Variants in NPHP3 observed in about 807,000 individuals in gnomAD.
NPHP3 encodes the protein nephrocystin 3.
A neutral mutation model predicts 171.9 loss-of-function variants in NPHP3; 123 were observed. That is an observed-to-expected ratio of 0.72 (90% CI 0.62 to 0.83). NPHP3 has a LOEUF of 0.83. Ranked by LOEUF, NPHP3 falls within the 40% of genes least tolerant of loss-of-function variation. NPHP3 has a pLI of 0.00. For synonymous variants in NPHP3, 558 were observed against 579.2 expected (o/e 0.96, Z 0.52); for missense variants, 1,506 against 1,591.9 (o/e 0.95, Z 0.92).
rs913198504 is a variant in NPHP3, at chr3:132,722,200, T to G, written c.156A>C (p.Ala52=). 2.0e-6 allele frequency: 3 copies of G among 1,510,212 alleles called. No homozygotes were observed. Among genetic ancestry groups the G allele is most frequent in the African/African-American group, 2.9e-5 (2 of 69,658 alleles). The allele number at this position is 1,510,212 out of a possible 1,614,324, so 93.6% of individuals were successfully genotyped here. Residue 52 remains alanine, a synonymous_variant, in exon 1 of 27, where the codon GCA becomes GCC. Coordinates refer to ENST00000337331, the MANE Select transcript of NPHP3 (RefSeq NM_153240.5). ...GCAGCGACCCGGGCCCGGCCCCTGCTGCCGCCCCCGCGCCTCGGCGGAACG... is the reference window on the plus strand; with the variant it reads ...GCAGCGACCCGGGCCCGGCCCCTGCGGCCGCCCCCGCGCCTCGGCGGAACG... The part of the protein sequence containing the change: ...RNSFRRGAGA[A]AGAGPGSLPR...
At position 132,690,592 on chromosome 3, in the gene NPHP3, C is replaced by T. The variant is rs759671218; in HGVS notation, c.2629G>A (p.Gly877Arg). Residue 877 changes from glycine to arginine, a missense_variant, in exon 19 of 27, where the codon GGA becomes AGA. Gly to Arg is a moderately radical substitution (Grantham distance 125). Coordinates refer to ENST00000337331, the MANE Select transcript of NPHP3 (RefSeq NM_153240.5). ...DELPWLFQQQ[G>R]SKQKLHDCLL... ...CAATCATGCAGCTTCTGTTTACTTC[C>T]CTGCTGCTGAAAAAGCCACGGGAGT... 7.4e-6 allele frequency: 12 copies of T among 1,613,460 alleles called. No homozygotes were observed. Among genetic ancestry groups the T allele is most frequent in the Non-Finnish European group, 1.0e-5 (12 of 1,179,594 alleles).
rs1940185967 is a variant in NPHP3 at position 132,720,691 on chromosome 3, TAG to T, written c.394-863_394-862del. On this transcript the variant is annotated intron_variant, in intron 1 of 26. Transcript: ENST00000337331. The stretch of plus-strand genomic sequence containing the variant: ...AACAACAACAACAACAAAACCTGAC[TAG>T]AAGAATGTCTAGTCTTGAAGACAGG... 2.0e-5 allele frequency among the ~76,000 whole-genome samples: 3 copies of T among 152,102 alleles called. No individual in the cohort carries two copies. The South Asian group carries it at 6.2e-4, about 32-fold the overall frequency.
intron 23 of NPHP3, 144 bp downstream of exon 23, chr3:132,686,115 AT>A: frequency 1.3e-6 from 1 of 769,218 alleles, no homozygotes; most frequent in Non-Finnish European, 2.2e-6. Context: ...AGGTATGTGT[AT>A]GCTCATTATA....
Position 132,715,065 on chromosome 3 carries a change from G to A in NPHP3, c.957+20C>T. On this transcript the variant is annotated intron_variant, in intron 5 of 26. Coordinates refer to ENST00000337331, the MANE Select transcript of NPHP3 (RefSeq NM_153240.5). ...CTTATATTTTAAATTGGTTGATACA[G>A]AATTTATAAATATCCTCACCTTAAG... 1.3e-6 allele frequency: 2 copies of A among 1,598,872 alleles called. No homozygotes were observed. Among genetic ancestry groups the A allele is most frequent in the Non-Finnish European group, 1.7e-6 (2 of 1,166,994 alleles).
At position 132,689,174 on chromosome 3, in the gene NPHP3, T is replaced by C. The variant is rs751790371; in HGVS notation, c.2783A>G (p.Gln928Arg). Residue 928 changes from glutamine (Q) to arginine (R), a missense_variant, in exon 20 of 27, where the codon CAG becomes CGG. Around this residue, in one of 3 missense-constraint regions of NPHP3, gnomAD observed 569 missense variants for 648.1 expected, o/e 0.88. Transcript: ENST00000337331. ...MATEYFDSLK[Q>R]YEKNCEGEDN... ...CTCGCCTTCGCAGTTTTTCTCATACTGCTTCAATGAATCGAAGTATTCTGT... is the reference window on the plus strand; with the variant it reads ...CTCGCCTTCGCAGTTTTTCTCATACCGCTTCAATGAATCGAAGTATTCTGT... 1.4e-5 allele frequency: 23 copies of C among 1,614,066 alleles called. No individual in the cohort carries two copies. The highest frequency in any genetic ancestry group is 1.3e-4 in the Admixed American group (8 of 59,998).
In NPHP3 at chr3:132,682,798, C is replaced by T. The variant is rs146759786; in HGVS notation, c.3717G>A (p.Leu1239=). 1.7e-4 allele frequency: 272 copies of T among 1,609,936 alleles called. 1 individual carries two copies. Among genetic ancestry groups the T allele is most frequent in the Admixed American group, 1.0e-3 (60 of 59,996 alleles). The change falls in exon 26 of 27, where the codon TTG becomes TTA. Residue 1239 remains leucine, a synonymous_variant. Coordinates refer to ENST00000337331, the MANE Select transcript of NPHP3 (RefSeq NM_153240.5). ...YSQMKKHVEA[L]PLYERALKIY... Reference sequence around the variant, plus strand: ...TCTTTAATGCTCTTTCATATAATGGCAAAGCTTCAACGTGTTTTTTCTTAT... The same window carrying T: ...TCTTTAATGCTCTTTCATATAATGGTAAAGCTTCAACGTGTTTTTTCTTAT...
intron 22 of NPHP3, among the ~76,000 whole-genome samples, 196 bp from the exon 23 acceptor site, chr3:132,686,583 A>G (rs1939169739): frequency 6.6e-6 from 1 of 152,232 alleles, no homozygotes; most frequent in South Asian, 2.1e-4. Context: ...TCTAAAATTC[A>G]TTAAAAACTA....
At position 132,715,183 on chromosome 3, in the gene NPHP3, C is replaced by T; in HGVS notation, c.859G>A (p.Val287Ile). Residue 287 changes from valine (V) to isoleucine (I), a missense_variant, in exon 5 of 27, where the codon GTT becomes ATT. Physicochemically the swap from Val to Ile is conservative, Grantham distance 29. Around this residue, in one of 3 missense-constraint regions of NPHP3, gnomAD observed 930 missense variants for 924.9 expected, o/e 1.01. Transcript: ENST00000337331. ...WDIAVASLLQ[V>I]TPLFSHSLWS... ...AGAGAATGTGAAAACAGAGGAGTAA[C>T]TTGTAATAAACTAGCTACAGCAATA... 1.9e-6 allele frequency: 3 copies of T among 1,612,206 alleles called. No homozygotes were observed. Among genetic ancestry groups the T allele is most frequent in the Non-Finnish European group, 2.5e-6 (3 of 1,178,412 alleles).
chr3:132,706,112 C>T (rs1939740889), intron 7 of NPHP3, among the ~76,000 whole-genome samples: 1 of 152,010 alleles, frequency 6.6e-6, no homozygotes, highest in Non-Finnish European at 1.5e-5. Context: ...GTAATCCCAG[C>T]ACTTTGGGAG....
At chr3:132,721,690 A>C (rs1201864888) in intron 1 of NPHP3, 6 of 643,594 alleles carry the variant, frequency 9.3e-6, no homozygotes, top group South Asian at 9.3e-5. Context: ...TAATCCCAGA[A>C]CTTTAGGAGG....
intron 14 of NPHP3, among the ~76,000 whole-genome samples, 161 bp downstream of exon 14, chr3:132,697,099 T>C (rs1320137645): frequency 1.3e-5 from 2 of 152,266 alleles, no homozygotes; most frequent in Non-Finnish European, 2.9e-5. Flanking sequence ...GCTTCTTTTC[T>C]ACCTGTCATT....
At position 132,697,645 on chromosome 3, in the gene NPHP3, T is replaced by C. The variant is rs899442021; in HGVS notation, c.1986-283A>G. Among the ~76,000 whole-genome samples, 3 of 152,210 alleles carry C rather than the reference T, an allele frequency of 2.0e-5. No individual in the cohort carries two copies. In the South Asian group the frequency reaches 6.2e-4, roughly 31 times the overall value. On this transcript the variant is annotated intron_variant, in intron 13 of 26. Transcript: ENST00000337331. The stretch of plus-strand genomic sequence containing the variant: ...ACATTTCTAGTTCTATGTTCCATAC[T>C]ATCAGTAAAACTAAGCATAGGTATG...
At position 132,681,258 on chromosome 3, in the gene NPHP3, CTTT is replaced by C. The variant is rs886058000; in HGVS notation, c.*649_*651del. 143 of 105,642 alleles carry C rather than the reference CTTT, an allele frequency of 1.4e-3. No individual in the cohort carries two copies. Among genetic ancestry groups the C allele is most frequent in the African/African-American group, 4.0e-3 (110 of 27,632 alleles). The allele number at this position is 105,642 out of a possible 1,614,324, so 6.5% of individuals were successfully genotyped here. Reference sequence around the variant, plus strand: ...GAGAGCTCAAAAGAATCATGGAATTCTTTTTTTTTTTTTTTTTTTTTTTGAGAC... The same window carrying C: ...GAGAGCTCAAAAGAATCATGGAATTCTTTTTTTTTTTTTTTTTTTTGAGAC... On this transcript the variant is annotated 3_prime_UTR_variant, in exon 27 of 27. Coordinates refer to ENST00000337331, the MANE Select transcript of NPHP3 (RefSeq NM_153240.5).
At chr3:132,719,622 C>A (rs1334138506) in intron 2 of NPHP3, 83 bp downstream of exon 2, 5 of 893,114 alleles carry the variant, frequency 5.6e-6, no homozygotes, top group Middle Eastern at 4.0e-4. Context: ...TCTATTTATT[C>A]ATCGCATTAT....
At chr3:132,689,788 G>A (rs573085646) in intron 19 of NPHP3, among the ~76,000 whole-genome samples, 4 of 152,130 alleles carry the variant, frequency 2.6e-5, no homozygotes, top group Admixed American at 1.3e-4. Flanking sequence ...ATCTGTAGGC[G>A]ATCTTAAGTA....
chr3:132,691,481 T>C (rs1939298055), intron 17 of NPHP3, among the ~76,000 whole-genome samples, 195 bp from the exon 18 acceptor site: 1 of 152,168 alleles, frequency 6.6e-6, no homozygotes, highest in African/African-American at 2.4e-5. Flanking sequence ...TGTACTAATA[T>C]TTATAAGCTC....
At position 132,713,623 on chromosome 3, in the gene NPHP3, A is replaced by T. The variant is rs537528604; in HGVS notation, c.958-337T>A. On this transcript the variant is annotated intron_variant, in intron 5 of 26. Transcript: ENST00000337331. ...ACTATGAACAATCTGTTTTATTGTC[A>T]TAAAGAGTGCAAAATATAGATCCAT... is the stretch of plus-strand genomic sequence containing the variant. 4.1e-3 allele frequency among the ~76,000 whole-genome samples: 625 copies of T among 152,266 alleles called. 6 individuals are homozygous for T. Among genetic ancestry groups the T allele is most frequent in the African/African-American group, 0.014 (596 of 41,568 alleles).
At chr3:132,699,812 T>C (rs1939558327) in intron 12 of NPHP3, 106 bp downstream of exon 12, 1 of 1,258,698 alleles carries the variant, frequency 7.9e-7, no homozygotes, top group Admixed American at 1.8e-5. Flanking sequence ...ATATAAAAAA[T>C]AACATCATAT....
chr3:132,708,067 A>G (rs1326146185), intron 7 of NPHP3, 34 bp downstream of exon 7: 2 of 1,608,344 alleles, frequency 1.2e-6, no homozygotes, highest in Admixed American at 3.3e-5. Flanking sequence ...TCCCTCAGCT[A>G]AGTGTGTTTT....
Sources: allele counts gnomAD v4.1 joint callset (sites outside exome capture counted in the v4.1 genomes callset), GRCh38; gene constraint gnomAD v4.1.1; regional missense constraint gnomAD v4.1.1; transcripts MANE v1.5; gene names NCBI Gene and HGNC (gene_info 2026-07-23, HGNC 2026-07-21).